The following EYA4 variants were observed in gnomAD, a reference collection of about 807,000 sequenced individuals.
EYA4 encodes the protein EYA transcriptional coactivator and phosphatase 4, also known as protein phosphatase EYA4.
Under a neutral mutation model 87.9 loss-of-function variants are expected in EYA4, and 31 were observed. The observed-to-expected ratio is 0.35, with a 90% CI of 0.27 to 0.48. The LOEUF (loss-of-function observed/expected upper bound fraction) is 0.48. Ranked by LOEUF, EYA4 falls within the 20% of genes least tolerant of loss-of-function variation. EYA4 has a pLI of 0.99. For missense variants in EYA4, 678 were observed against 761.4 expected, an observed-to-expected ratio of 0.89 and a Z score of 1.29; for synonymous variants, 263 against 270.6, an observed-to-expected ratio of 0.97 and a Z score of 0.28.
intron 2 of EYA4, among the ~76,000 whole-genome samples, chr6:133,340,048 A>G (rs11154723): frequency 0.17 from 25,998 of 152,146 alleles, 2,718 homozygotes; most frequent in East Asian, 0.46. Context: ...TAGTACTAAT[A>G]TAAGTGGTGA....
intron 2 of EYA4, among the ~76,000 whole-genome samples, chr6:133,322,038 A>G (rs1781132775): frequency 2.0e-5 from 3 of 152,162 alleles, no homozygotes; most frequent in Non-Finnish European, 4.4e-5. Context: ...TGTGTTTATC[A>G]TTGCTATGGA....
intron 3 of EYA4, among the ~76,000 whole-genome samples, chr6:133,416,746 A>G (rs903297777): frequency 2.6e-5 from 4 of 152,262 alleles, no homozygotes; most frequent in Admixed American, 6.5e-5. Flanking sequence ...AGAAAAGAGT[A>G]GAACCACACT....
chr6:133,493,483 A>G (rs543153979), intron 13 of EYA4, among the ~76,000 whole-genome samples: 1 of 152,312 alleles, frequency 6.6e-6, no homozygotes, highest in African/African-American at 2.4e-5. Flanking sequence ...ATCTCAAACT[A>G]TAAAACTACT....
intron 2 of EYA4, among the ~76,000 whole-genome samples, chr6:133,340,152 A>T (rs559554496): frequency 6.6e-6 from 1 of 152,284 alleles, no homozygotes; most frequent in East Asian, 1.9e-4. Flanking sequence ...TAATGTTAAG[A>T]CTATATATAG....
chr6:133,395,818 G>A (rs1207433150), intron 3 of EYA4, among the ~76,000 whole-genome samples: 1 of 152,132 alleles, frequency 6.6e-6, no homozygotes, highest in Non-Finnish European at 1.5e-5. Flanking sequence ...GAGTAACTCT[G>A]TATCCCAGCT....
chr6:133,518,214 T>G (rs936932458), intron 17 of EYA4, among the ~76,000 whole-genome samples: 3 of 151,742 alleles, frequency 2.0e-5, no homozygotes, highest in African/African-American at 7.3e-5. Context: ...AAAAGATGAT[T>G]ACATTATTAG....
chr6:133,509,643 C>T (rs1043811288), intron 14 of EYA4, among the ~76,000 whole-genome samples: 3 of 152,054 alleles, frequency 2.0e-5, no homozygotes, highest in Admixed American at 2.0e-4. Context: ...AGAATAACCT[C>T]CAGAAAAGAA....
At chr6:133,390,171 G>T (rs565016508) in intron 3 of EYA4, among the ~76,000 whole-genome samples, 1 of 152,104 alleles carries the variant, frequency 6.6e-6, no homozygotes, top group African/African-American at 2.4e-5. Flanking sequence ...GCCCACAAAA[G>T]GTCAGGGGTT....
intron 3 of EYA4, among the ~76,000 whole-genome samples, chr6:133,424,592 C>G (rs1375254038): frequency 6.6e-6 from 1 of 152,168 alleles, no homozygotes; most frequent in African/African-American, 2.4e-5. Context: ...GATCCTGCAC[C>G]TGGGAGGGCA....
intron 3 of EYA4, among the ~76,000 whole-genome samples, chr6:133,427,563 G>A (rs1466942698): frequency 1.3e-5 from 2 of 152,090 alleles, no homozygotes; most frequent in Admixed American, 6.5e-5. Flanking sequence ...TTCCATGATT[G>A]TTAAAAGGAA....
At chr6:133,252,915 T>C (rs1775017675) in intron 1 of EYA4, among the ~76,000 whole-genome samples, 1 of 151,340 alleles carries the variant, frequency 6.6e-6, no homozygotes, top group Admixed American at 6.6e-5. Flanking sequence ...AATTGATGCC[T>C]AAGTAGGCAG....
intron 3 of EYA4, among the ~76,000 whole-genome samples, chr6:133,404,954 C>T (rs778291215): frequency 1.3e-5 from 2 of 152,206 alleles, no homozygotes; most frequent in Non-Finnish European, 2.9e-5. Context: ...CAGTACCCTG[C>T]TTACTCATTC....
chr6:133,293,245 A>G (rs958416966), intron 2 of EYA4, among the ~76,000 whole-genome samples: 21 of 152,214 alleles, frequency 1.4e-4, no homozygotes, highest in Non-Finnish European at 2.6e-4. Context: ...AAGATCCACT[A>G]AAAGATGACA....
chr6:133,456,699 A>G lies in EYA4; in HGVS notation c.370+51A>G, dbSNP rs1028496127. The G allele has an allele frequency of 5.6e-6, 6 of 1,076,110 alleles. No individual in the cohort carries two copies. In the African/African-American group the frequency reaches 9.3e-5, roughly 17 times the overall value. The allele number at this position is 1,076,110 out of a possible 1,614,324, so 66.7% of individuals were successfully genotyped here. On this transcript the variant is annotated intron_variant, in intron 6 of 19. Transcript: ENST00000355286. The stretch of plus-strand genomic sequence containing the variant: ...TACGTACACATGGGGGTGCATCCAC[A>G]TCCTCCTCCTCGGGAATAAGCAACA...
intron 12 of EYA4, among the ~76,000 whole-genome samples, chr6:133,482,428 C>T (rs1357626744): frequency 1.3e-5 from 2 of 152,178 alleles, no homozygotes; most frequent in Non-Finnish European, 1.5e-5. Flanking sequence ...CCTGTCACTG[C>T]CATGTAGGAA....
intron 13 of EYA4, among the ~76,000 whole-genome samples, chr6:133,496,015 A>G (rs1208981513): frequency 6.6e-6 from 1 of 152,212 alleles, no homozygotes; most frequent in Non-Finnish European, 1.5e-5. Flanking sequence ...GCATGTTATC[A>G]TATTAAAGGT....
chr6:133,262,844 T>G (rs540530726), intron 1 of EYA4, among the ~76,000 whole-genome samples: 51 of 152,334 alleles, frequency 3.3e-4, no homozygotes, highest in African/African-American at 1.2e-3. Context: ...TGGCTCCATT[T>G]AAGGAGCTTG....
intron 3 of EYA4, among the ~76,000 whole-genome samples, chr6:133,428,760 G>T (rs957922223): frequency 6.6e-6 from 1 of 152,058 alleles, no homozygotes; most frequent in African/African-American, 2.4e-5. Context: ...TCTCCTAGAA[G>T]AATGAAGAGG....
intron 10 of EYA4, among the ~76,000 whole-genome samples, chr6:133,465,913 A>G (rs1794795514): frequency 6.6e-6 from 1 of 152,184 alleles, no homozygotes; most frequent in African/African-American, 2.4e-5. Flanking sequence ...TAGGAAAATG[A>G]TGTCTTAAAA....
Sources: gnomAD v4.1 joint callset for allele counts (sites outside exome capture counted in the v4.1 genomes callset) on GRCh38, gnomAD v4.1.1 for gene constraint, MANE v1.5 for transcripts, NCBI Gene and HGNC (gene_info 2026-07-23, HGNC 2026-07-21) for gene names.